The following ERC1 variants were observed in gnomAD, a reference collection of about 807,000 sequenced individuals.
ERC1 encodes ELKS/RAB6-interacting/CAST family member 1, also known as RAB6 interacting protein 2.
Under a neutral mutation model 132.0 loss-of-function variants are expected in ERC1, and 56 were observed. The ratio of observed to expected loss-of-function variants is 0.42; its 90% CI spans 0.34 to 0.53. The LOEUF (loss-of-function observed/expected upper bound fraction) is 0.53, where lower values mean the gene tolerates loss of function less well. Among genes scored for constraint, ERC1 ranks in the 20% least tolerant of loss-of-function variants. ERC1 has a pLI of 0.03. For missense variants in ERC1, 1,202 were observed against 1,349.9 expected, an observed-to-expected ratio of 0.89 and a Z score of 1.72; for synonymous variants, 478 against 476.1, an observed-to-expected ratio of 1.00 and a Z score of -0.05.
intron 1 of ERC1, among the ~76,000 whole-genome samples, chr12:1,013,253 G>A (rs1055440447): frequency 6.6e-6 from 1 of 152,066 alleles, no homozygotes; most frequent in East Asian, 1.9e-4. Flanking sequence ...ACTAAGTGGC[G>A]CAGATTGCTG....
At chr12:1,168,738 C>T (rs558804745) in intron 8 of ERC1, among the ~76,000 whole-genome samples, 8 of 152,184 alleles carry the variant, frequency 5.3e-5, no homozygotes, top group East Asian at 1.9e-4. Flanking sequence ...CTGCCCGCCT[C>T]GGCCTCCCAA....
chr12:1,003,931 C>A (rs1196158538), intron 1 of ERC1, among the ~76,000 whole-genome samples: 1 of 152,152 alleles, frequency 6.6e-6, no homozygotes, highest in Non-Finnish European at 1.5e-5. Flanking sequence ...TAGGCTGCTG[C>A]TAAGTGGTTT....
chr12:1,473,933 G>A (rs1213503483), intron 18 of ERC1, among the ~76,000 whole-genome samples: 3 of 152,212 alleles, frequency 2.0e-5, no homozygotes, highest in South Asian at 2.1e-4. Context: ...ATTGTAGAGG[G>A]TTAGAGGGAT....
At chr12:1,288,850 T>C (rs2079213344) in intron 14 of ERC1, among the ~76,000 whole-genome samples, 1 of 152,186 alleles carries the variant, frequency 6.6e-6, no homozygotes, top group Non-Finnish European at 1.5e-5. Flanking sequence ...GCTTCTGAAT[T>C]AAAATGAACA....
At chr12:1,033,163 A>C (rs1201899924) in intron 2 of ERC1, among the ~76,000 whole-genome samples, 2 of 151,744 alleles carry the variant, frequency 1.3e-5, no homozygotes, top group East Asian at 3.9e-4. Context: ...CAGCCTCCTG[A>C]GTAGCTGGGA....
At chr12:1,482,568 T>G (rs4611265) in intron 18 of ERC1, among the ~76,000 whole-genome samples, 58,298 of 151,790 alleles carry the variant, frequency 0.38, 12,796 homozygotes, top group African/African-American at 0.61. Context: ...TGCCTCAGCC[T>G]CCTGAGTAGC....
intron 13 of ERC1, among the ~76,000 whole-genome samples, chr12:1,251,094 C>G (rs1043977028): frequency 6.6e-6 from 1 of 152,112 alleles, no homozygotes; most frequent in African/African-American, 2.4e-5. Context: ...TCTACAAAAA[C>G]AGTTTCTTCA....
chr12:1,494,311 A>C lies in ERC1; in HGVS notation c.*4081A>C, dbSNP rs563821388. The C allele has an allele frequency of 6.9e-5, 16 of 231,602 alleles. No individual in the cohort carries two copies. Among genetic ancestry groups the C allele is most frequent in the Non-Finnish European group, 1.3e-4 (15 of 117,012 alleles). The allele number at this position is 231,602 out of a possible 1,614,324, so 14.3% of individuals were successfully genotyped here. A position where few individuals can be genotyped will look rare whatever the true frequency, so the allele number is the denominator to read the frequency against. ...CACTGCCAGCCCTGGGCTGCTCAGG[A>C]GGGGACGTGAACCACTCAAAGGAAT... On this transcript the variant is annotated 3_prime_UTR_variant, in exon 19 of 19. Transcript: ENST00000360905.
intron 3 of ERC1, among the ~76,000 whole-genome samples, chr12:1,101,765 G>T (rs1944689024): frequency 1.3e-5 from 2 of 152,166 alleles, no homozygotes; most frequent in Non-Finnish European, 2.9e-5. Flanking sequence ...ATTTTGTGGG[G>T]TATACGTGTA....
intron 15 of ERC1, among the ~76,000 whole-genome samples, chr12:1,304,665 T>A (rs1215728915): frequency 1.3e-5 from 2 of 152,028 alleles, no homozygotes; most frequent in Non-Finnish European, 2.9e-5. Context: ...ATCTGGAGAG[T>A]CTGATAATTG....
intron 15 of ERC1, among the ~76,000 whole-genome samples, chr12:1,292,191 T>C (rs1361290137): frequency 6.6e-6 from 1 of 152,184 alleles, no homozygotes; most frequent in Non-Finnish European, 1.5e-5. Flanking sequence ...CAAGTCCATT[T>C]TTTATTTTTA....
At chr12:1,042,202 T>A (rs1970331451) in intron 2 of ERC1, among the ~76,000 whole-genome samples, 1 of 151,894 alleles carries the variant, frequency 6.6e-6, no homozygotes, top group Admixed American at 6.6e-5. Flanking sequence ...CGCGCCCAGC[T>A]ATTTTTTTGT....
intron 14 of ERC1, 44 bp from the exon 15 acceptor site, chr12:1,289,804 CTGAT>C (rs752961505): frequency 1.9e-6 from 3 of 1,542,558 alleles, no homozygotes; most frequent in East Asian, 4.5e-5. Context: ...TCCTCTGACT[CTGAT>C]TGATCAAGAC....
intron 13 of ERC1, among the ~76,000 whole-genome samples, chr12:1,246,594 T>A (rs1008202273): frequency 6.6e-6 from 1 of 152,102 alleles, no homozygotes; most frequent in African/African-American, 2.4e-5. Context: ...TTCTCTAAGG[T>A]GTTTATTTAT....
intron 14 of ERC1, among the ~76,000 whole-genome samples, chr12:1,271,735 C>A (rs1369256994): frequency 6.6e-6 from 1 of 152,134 alleles, no homozygotes; most frequent in Non-Finnish European, 1.5e-5. Flanking sequence ...CTTCTGAGAT[C>A]CAAAGTTATG....
intron 15 of ERC1, among the ~76,000 whole-genome samples, chr12:1,293,726 T>C (rs1483373473): frequency 2.0e-5 from 3 of 151,588 alleles, no homozygotes; most frequent in Admixed American, 6.6e-5. Context: ...AAATTGTAAA[T>C]AGTTAACCAA....
intron 7 of ERC1, among the ~76,000 whole-genome samples, chr12:1,121,640 GATCTCTATCTCT>G (rs1186900552): frequency 3.4e-5 from 3 of 88,538 alleles, no homozygotes; most frequent in African/African-American, 1.3e-4. Flanking sequence ...AAAGGCTGAT[GATCTCTATCTCT>G]ATCTCTATCT....
chr12:1,233,675 A>T (rs190747852), intron 12 of ERC1, among the ~76,000 whole-genome samples: 27 of 152,298 alleles, frequency 1.8e-4, no homozygotes, highest in African/African-American at 6.3e-4. Flanking sequence ...GTTGAATTTC[A>T]TCATGAAGAA....
Position 1,183,427 on chromosome 12 carries a change from A to G in ERC1, c.2157+6A>G. The stretch of plus-strand genomic sequence containing the variant: ...TGGAATCACAATTGAAAAAGGTTAA[A>G]GAAAAAATTTCACATTTTTTTGCTT... On this transcript the variant is annotated splice_donor_region_variant and intron_variant, in intron 11 of 18. Coordinates refer to ENST00000360905, the MANE Select transcript of ERC1 (RefSeq NM_178040.4). 1 of 1,554,526 alleles carries G rather than the reference A, an allele frequency of 6.4e-7. No individual in the cohort carries two copies. Among genetic ancestry groups the G allele is most frequent in the Non-Finnish European group, 8.8e-7 (1 of 1,140,398 alleles).
Sources: allele counts gnomAD v4.1 joint callset (sites outside exome capture counted in the v4.1 genomes callset), GRCh38; gene constraint gnomAD v4.1.1; transcripts MANE v1.5; gene names NCBI Gene and HGNC (gene_info 2026-07-23, HGNC 2026-07-21).